Variants in UNC13C observed in about 807,000 individuals in gnomAD.
UNC13C encodes protein unc-13 homolog C.
UNC13C carries 174 observed loss-of-function variants against 245.4 expected under a neutral mutation model. The ratio of observed to expected loss-of-function variants is 0.71; its 90% CI spans 0.63 to 0.80. UNC13C has a LOEUF of 0.80. UNC13C is among the 30% of genes least tolerant of loss of function. UNC13C has a pLI of 0.00. For missense variants in UNC13C, 2,829 were observed against 2,602.9 expected, an observed-to-expected ratio of 1.09 and a Z score of -1.89; for synonymous variants, 992 against 895.1, an observed-to-expected ratio of 1.11 and a Z score of -1.93.
At chr15:54,486,287 AC>A (rs953843275) in intron 19 of UNC13C, among the ~76,000 whole-genome samples, 9 of 147,858 alleles carry the variant, frequency 6.1e-5, no homozygotes, top group African/African-American at 2.2e-4. Flanking sequence ...ACACACACAC[AC>A]AATATCAGTG....
intron 4 of UNC13C, among the ~76,000 whole-genome samples, chr15:54,195,342 A>G (rs1031892872): frequency 6.6e-6 from 1 of 152,198 alleles, no homozygotes; most frequent in Non-Finnish European, 1.5e-5. Context: ...CAATTCAAAC[A>G]CTGCCATTCC....
chr15:53,882,366 T>G, the UNC13C span, among the ~76,000 whole-genome samples: 1 of 152,186 alleles, frequency 6.6e-6, no homozygotes, highest in Non-Finnish European at 1.5e-5. Flanking sequence ...TTGCTTATAA[T>G]AAAATTTATA....
chr15:54,541,716 CAGA>C (rs1596539444), intron 26 of UNC13C, among the ~76,000 whole-genome samples: 1 of 151,994 alleles, frequency 6.6e-6, no homozygotes, highest in Admixed American at 6.6e-5. Context: ...GAAATATATA[CAGA>C]AGAAGTTTCT....
intron 13 of UNC13C, 57 bp from the exon 14 acceptor site, chr15:54,321,882 G>A (rs1227834746): frequency 2.0e-6 from 3 of 1,476,160 alleles, no homozygotes; most frequent in Non-Finnish European, 1.8e-6. Context: ...AAGCTCTGTT[G>A]TTGTATGAAT....
intron 13 of UNC13C, among the ~76,000 whole-genome samples, chr15:54,301,661 G>A (rs1306871267): frequency 1.3e-5 from 2 of 152,100 alleles, no homozygotes; most frequent in Non-Finnish European, 2.9e-5. Context: ...GTGCATATGT[G>A]CCACATTTTC....
chr15:54,050,987 T>C, intron 2 of UNC13C: 1 of 481,894 alleles, frequency 2.1e-6, no homozygotes, highest in South Asian at 1.6e-5. Flanking sequence ...CCAAGAAGCC[T>C]CTCGATCTCC....
chr15:53,904,452 T>C, the UNC13C span, among the ~76,000 whole-genome samples: 1 of 152,206 alleles, frequency 6.6e-6, no homozygotes, highest in Non-Finnish European at 1.5e-5. Flanking sequence ...CCTGTACAAA[T>C]AGAAGATATC....
At chr15:54,611,322 G>A (rs1241432054) in intron 30 of UNC13C, among the ~76,000 whole-genome samples, 1 of 152,130 alleles carries the variant, frequency 6.6e-6, no homozygotes, top group Non-Finnish European at 1.5e-5. Flanking sequence ...GAGCCCTTGG[G>A]TTTAGAAGGG....
At chr15:54,319,501 C>A (rs1185034153) in intron 13 of UNC13C, among the ~76,000 whole-genome samples, 1 of 151,856 alleles carries the variant, frequency 6.6e-6, no homozygotes, top group Non-Finnish European at 1.5e-5. Context: ...TTAATTTGCA[C>A]AAATCATGGA....
chr15:53,956,875 A>AGTGTGTGT, the UNC13C span, among the ~76,000 whole-genome samples: 3,401 of 139,720 alleles, frequency 0.024, 55 homozygotes, highest in Middle Eastern at 0.041. Flanking sequence ...GTTAAGCTCA[A>AGTGTGTGT]GTGTGTGTGT....
rs182771697 is a variant in UNC13C, at chr15:54,017,847, C to T, written c.2983+1961C>T. Among the ~76,000 whole-genome samples, 393 of 152,198 alleles carry T rather than the reference C, an allele frequency of 2.6e-3. 3 individuals carry two copies. Among genetic ancestry groups the T allele is most frequent in the South Asian group, 0.018 (88 of 4,812 alleles). ...CTGTGCCATTTACCTGCATATGAGG[C>T]CTGGCTATAGAGGACTCAGACCCCT... On this transcript the variant is annotated intron_variant, in intron 2 of 32. Transcript: ENST00000260323.
intron 18 of UNC13C, among the ~76,000 whole-genome samples, chr15:54,400,907 T>C (rs1170854925): frequency 6.6e-6 from 1 of 152,124 alleles, no homozygotes; most frequent in African/African-American, 2.4e-5. Flanking sequence ...GTGGCACATA[T>C]ACAGCATGGA....
chr15:54,005,005 T>C (rs982502092), intron 1 of UNC13C, among the ~76,000 whole-genome samples: 1 of 152,160 alleles, frequency 6.6e-6, no homozygotes, highest in Non-Finnish European at 1.5e-5. Flanking sequence ...AGAAGCTTTT[T>C]AACTTGATGT....
intron 10 of UNC13C, among the ~76,000 whole-genome samples, chr15:54,291,326 T>C (rs1365716818): frequency 1.3e-5 from 2 of 151,942 alleles, no homozygotes; most frequent in Non-Finnish European, 2.9e-5. Flanking sequence ...TAATTCTTCC[T>C]TTCTCCCCAC....
At chr15:54,282,994 T>C (rs1350734626) in intron 10 of UNC13C, among the ~76,000 whole-genome samples, 10 of 152,070 alleles carry the variant, frequency 6.6e-5, no homozygotes, top group Admixed American at 2.6e-4. Context: ...AGTGAAGACC[T>C]CACTCAAAGG....
At chr15:54,273,596 A>G (rs2036750365) in intron 10 of UNC13C, among the ~76,000 whole-genome samples, 1 of 152,192 alleles carries the variant, frequency 6.6e-6, no homozygotes, top group Non-Finnish European at 1.5e-5. Context: ...AATGATTGGA[A>G]CATCTTAAAA....
intron 17 of UNC13C, among the ~76,000 whole-genome samples, chr15:54,380,753 T>G (rs559565453): frequency 6.6e-6 from 1 of 152,346 alleles, no homozygotes; most frequent in Non-Finnish European, 1.5e-5. Flanking sequence ...ACTATTTGTA[T>G]ATCTTCTTTT....
At chr15:54,138,529 T>C (rs2031848783) in intron 2 of UNC13C, among the ~76,000 whole-genome samples, 1 of 152,086 alleles carries the variant, frequency 6.6e-6, no homozygotes, top group Admixed American at 6.6e-5. Flanking sequence ...TTTTCTATAT[T>C]TTTATTTAGC....
chr15:53,940,291 G>T, the UNC13C span, among the ~76,000 whole-genome samples: 16 of 151,652 alleles, frequency 1.1e-4, no homozygotes, highest in African/African-American at 3.9e-4. Context: ...AACCCTGAAT[G>T]AACTAGGTAT....
Sources: allele counts gnomAD v4.1 joint callset (sites outside exome capture counted in the v4.1 genomes callset), GRCh38; gene constraint gnomAD v4.1.1; transcripts MANE v1.5; gene names NCBI Gene and HGNC (gene_info 2026-07-23, HGNC 2026-07-21).